Variants in KCNIP1 observed in about 807,000 individuals in gnomAD.
The protein encoded by KCNIP1 is potassium voltage-gated channel interacting protein 1, also known as A-type potassium channel modulatory protein KCNIP1.
In KCNIP1, 18 loss-of-function variants were observed where a neutral mutation model predicts 33.0. That is an observed-to-expected ratio of 0.55 (90% CI 0.38 to 0.81). The LOEUF is 0.81. Ranked by LOEUF, KCNIP1 falls within the 30% of genes least tolerant of loss-of-function variation. The pLI, the probability that KCNIP1 is intolerant of heterozygous loss-of-function variation, is 0.00. For missense variants in KCNIP1, 238 were observed against 271.6 expected (o/e 0.88, Z 0.87); for synonymous variants, 93 against 98.3 (o/e 0.95, Z 0.32).
intron 1 of KCNIP1, among the ~76,000 whole-genome samples, chr5:170,656,258 CACTAAG>C (rs1761260232): frequency 6.6e-6 from 1 of 152,248 alleles, no homozygotes; most frequent in African/African-American, 2.4e-5. Flanking sequence ...TCAGTGCACA[CACTAAG>C]TGTGCAAGAA....
intron 1 of KCNIP1, among the ~76,000 whole-genome samples, chr5:170,402,625 G>A (rs963857449): frequency 6.6e-6 from 1 of 152,166 alleles, no homozygotes; most frequent in African/African-American, 2.4e-5. Context: ...AGACACATTG[G>A]CCTGGAAGTG....
At chr5:170,447,971 T>C (rs1267874195) in intron 1 of KCNIP1, among the ~76,000 whole-genome samples, 1 of 151,898 alleles carries the variant, frequency 6.6e-6, no homozygotes, top group African/African-American at 2.4e-5. Flanking sequence ...GGGTCAGGCT[T>C]GAAGACTCTT....
At chr5:170,550,536 GATA>G (rs1219728387) in intron 1 of KCNIP1, among the ~76,000 whole-genome samples, 4 of 147,944 alleles carry the variant, frequency 2.7e-5, no homozygotes, top group African/African-American at 5.3e-5. Context: ...TGATGATGGT[GATA>G]ATGATGATGG....
At chr5:170,390,517 A>AATATATATATACATATATATATAT (rs1754537004) in intron 1 of KCNIP1, among the ~76,000 whole-genome samples, 1 of 74,546 alleles carries the variant, frequency 1.3e-5, no homozygotes, top group Non-Finnish European at 2.5e-5. Context: ...AAAAAAAACA[A>AATATATATATACATATATATATAT]ATATATATAT....
chr5:170,468,514 C>A (rs965147210), intron 1 of KCNIP1, among the ~76,000 whole-genome samples: 2 of 151,988 alleles, frequency 1.3e-5, no homozygotes, highest in African/African-American at 4.8e-5. Context: ...AACAAAGAAA[C>A]CTTTCATCAA....
At chr5:170,656,959 C>T (rs1761292057) in intron 1 of KCNIP1, among the ~76,000 whole-genome samples, 2 of 151,668 alleles carry the variant, frequency 1.3e-5, no homozygotes, top group African/African-American at 4.9e-5. Flanking sequence ...AGACATGACT[C>T]AGTAAGTCTG....
chr5:170,588,921 T>C (rs1758099928), intron 1 of KCNIP1, among the ~76,000 whole-genome samples: 1 of 151,828 alleles, frequency 6.6e-6, no homozygotes, highest in South Asian at 2.1e-4. Context: ...AGTTTTTCCC[T>C]CTGATGAAAT....
At chr5:170,631,681 G>A (rs1285751191) in intron 1 of KCNIP1, among the ~76,000 whole-genome samples, 1 of 152,144 alleles carries the variant, frequency 6.6e-6, no homozygotes, top group Non-Finnish European at 1.5e-5. Context: ...TCTTTGTGAT[G>A]GGGGCACAAC....
intron 1 of KCNIP1, among the ~76,000 whole-genome samples, chr5:170,373,580 T>A (rs570241768): frequency 8.5e-5 from 13 of 152,376 alleles, no homozygotes; most frequent in African/African-American, 3.1e-4. Flanking sequence ...CATTAGTTGC[T>A]AACAAAAATA....
intron 1 of KCNIP1, among the ~76,000 whole-genome samples, chr5:170,415,525 C>T (rs1214927653): frequency 1.3e-5 from 2 of 151,042 alleles, no homozygotes; most frequent in African/African-American, 2.4e-5. Context: ...TTAGCCTCCC[C>T]GGGGAACATG....
At chr5:170,456,308 G>T (rs546282090) in intron 1 of KCNIP1, among the ~76,000 whole-genome samples, 2 of 151,926 alleles carry the variant, frequency 1.3e-5, no homozygotes, top group African/African-American at 4.8e-5. Context: ...GGGGCCTGTC[G>T]GAGGGTGGGG....
chr5:170,666,920 G>A (rs940655134), intron 1 of KCNIP1, among the ~76,000 whole-genome samples: 2 of 152,242 alleles, frequency 1.3e-5, no homozygotes, highest in African/African-American at 4.8e-5. Flanking sequence ...GACTTCCAAC[G>A]TGATAGTTGG....
At chr5:170,591,034 A>G (rs1758235391) in intron 1 of KCNIP1, among the ~76,000 whole-genome samples, 1 of 152,222 alleles carries the variant, frequency 6.6e-6, no homozygotes. Flanking sequence ...AGAAGAGAAC[A>G]AGGACACTGT....
chr5:170,662,149 CTA>C (rs1761524311), intron 1 of KCNIP1, among the ~76,000 whole-genome samples: 1 of 152,216 alleles, frequency 6.6e-6, no homozygotes, highest in Non-Finnish European at 1.5e-5. Context: ...TTCTATTTTT[CTA>C]TAACTGAACT....
At chr5:170,485,192 G>A (rs1046999881) in intron 1 of KCNIP1, among the ~76,000 whole-genome samples, 2 of 152,006 alleles carry the variant, frequency 1.3e-5, no homozygotes, top group South Asian at 2.1e-4. Flanking sequence ...TGCCTGCCTC[G>A]GCCTCTCAAA....
intron 1 of KCNIP1, among the ~76,000 whole-genome samples, chr5:170,574,964 A>G (rs1018536493): frequency 6.6e-6 from 1 of 152,208 alleles, no homozygotes; most frequent in Non-Finnish European, 1.5e-5. Context: ...TATATGAAGC[A>G]ACAGTATTCG....
In KCNIP1 at chr5:170,504,713, C is replaced by G; in HGVS notation, c.61+80C>G. ...CGAGGTGGGCTGTGCCACCTGCCTCCCTTAGTCCGGACTCTCCTCTCCACG... is the reference window on the plus strand; with the variant it reads ...CGAGGTGGGCTGTGCCACCTGCCTCGCTTAGTCCGGACTCTCCTCTCCACG... On this transcript the variant is annotated intron_variant, in intron 1 of 7. Transcript: ENST00000328939. The surrounding 1 kb of genome is among the most constrained non-coding windows in gnomAD (Gnocchi z 6.0). The G allele has an allele frequency of 4.2e-6, 5 of 1,187,838 alleles. No homozygotes were observed. Among genetic ancestry groups the G allele is most frequent in the Non-Finnish European group, 6.3e-6 (5 of 794,416 alleles). 73.6% of individuals were successfully genotyped at this position (1,187,838 alleles called of 1,614,324 possible).
At chr5:170,632,669 C>T (rs1232514720) in intron 1 of KCNIP1, among the ~76,000 whole-genome samples, 4 of 152,362 alleles carry the variant, frequency 2.6e-5, no homozygotes, top group East Asian at 1.9e-4. Flanking sequence ...AAATGTGATG[C>T]CCAAAGATGG....
intron 1 of KCNIP1, among the ~76,000 whole-genome samples, chr5:170,411,538 G>A (rs550884812): frequency 6.6e-6 from 1 of 152,336 alleles, no homozygotes; most frequent in South Asian, 2.1e-4. Flanking sequence ...AGGTGGTGAT[G>A]TCTAGTGGAA....
Sources: allele counts gnomAD v4.1 joint callset (sites outside exome capture counted in the v4.1 genomes callset), GRCh38; gene constraint gnomAD v4.1.1; non-coding constraint Gnocchi (gnomAD v3.1); transcripts MANE v1.5; gene names NCBI Gene and HGNC (gene_info 2026-07-23, HGNC 2026-07-21).